SCRT2: variants seen among roughly 807,000 people sequenced by gnomAD.
SCRT2 encodes the protein scratch family transcriptional repressor 2.
In SCRT2, 2 loss-of-function variants were observed where a neutral mutation model predicts 3.7. That is an observed-to-expected ratio of 0.54 (90% CI 0.22 to 1.70). SCRT2 has a LOEUF of 1.70. SCRT2 is among the 40% of genes most tolerant of loss of function. SCRT2 has a pLI of 0.19. For missense variants in SCRT2, 456 were observed against 468.5 expected (o/e 0.97, Z 0.25); for synonymous variants, 256 against 220.6 (o/e 1.16, Z -1.42).
chr20:663,841 G>C lies in SCRT2; in HGVS notation c.754C>G (p.Arg252Gly). 6.3e-7 allele frequency: 1 copy of C among 1,597,282 alleles called. No homozygotes were observed. Among genetic ancestry groups the C allele is most frequent in the Non-Finnish European group, 8.5e-7 (1 of 1,174,258 alleles). ...TGCATGTGCGCGCGCAGGTTGGAGC[G>C]GTCGGCGAAGGCCTTGCCGCAGTGC... is the stretch of plus-strand genomic sequence containing the variant. Reference protein sequence around the residue: ...CAHCGKAFADRSNLRAHMQTH... With the variant: ...CAHCGKAFADGSNLRAHMQTH... Residue 252 changes from arginine to glycine, a missense_variant, in exon 2 of 2, where the codon CGC becomes GGC. Arg to Gly is a moderately radical substitution (Grantham distance 125). Around this residue, in one of 3 missense-constraint regions of SCRT2, gnomAD observed 144 missense variants for 141.9 expected, o/e 1.01. Coordinates refer to ENST00000246104, the MANE Select transcript of SCRT2 (RefSeq NM_033129.4). This position sits in a 1 kb window ranked among gnomAD's most constrained non-coding sequence, Gnocchi z 6.9.
rs1246718115 is a variant in SCRT2, at chr20:665,827, C to G, written c.134-1366G>C. 6.6e-6 allele frequency among the ~76,000 whole-genome samples: 1 copy of G among 152,166 alleles called. No homozygotes were observed. The highest frequency in any genetic ancestry group is 1.5e-5 in the Non-Finnish European group (1 of 68,030). ...GACCTTCTCCTGGTGACCCCTGAGA[C>G]CTGTAACCACTCCTCCTTCCCTCCT... On this transcript the variant is annotated intron_variant, in intron 1 of 1. Coordinates refer to ENST00000246104, the MANE Select transcript of SCRT2 (RefSeq NM_033129.4). The surrounding 1 kb of genome is among the most constrained non-coding windows in gnomAD (Gnocchi z 5.0).
chr20:670,588 C>T (rs1000785729), intron 1 of SCRT2, among the ~76,000 whole-genome samples: 3 of 152,200 alleles, frequency 2.0e-5, no homozygotes, highest in South Asian at 2.1e-4. Context: ...GGGCAAGTCA[C>T]GGCCTCTCTG....
At chr20:669,801 C>T (rs1984273406) in intron 1 of SCRT2, among the ~76,000 whole-genome samples, 1 of 152,220 alleles carries the variant, frequency 6.6e-6, no homozygotes, top group Admixed American at 6.5e-5. Context: ...ACCTCCCCCT[C>T]CCCTTATTAT....
In SCRT2 at chr20:664,256, G is replaced by A. The variant is rs1385010776; in HGVS notation, c.339C>T (p.Ile113=). ...GCCGCCGCCGCGAGCGCCCGTCCGA[G>A]ATGAAGAAGGCGTCCATGGAGTAGC... ...TDSYSMDAFF[I]SDGRSRRRRG... Residue 113 remains isoleucine, a synonymous_variant, in exon 2 of 2, where the codon ATC becomes ATT. Transcript: ENST00000246104. This position sits in a 1 kb window ranked among gnomAD's most constrained non-coding sequence, Gnocchi z 7.9. 3 of 1,402,666 alleles carry A rather than the reference G, an allele frequency of 2.1e-6. No individual in the cohort carries two copies. The highest frequency in any genetic ancestry group is 9.4e-7 in the Non-Finnish European group (1 of 1,066,232). 86.9% of individuals were successfully genotyped at this position (1,402,666 alleles called of 1,614,324 possible).
Position 663,370 on chromosome 20 carries a change from G to C in SCRT2, c.*301C>G, listed in dbSNP as rs551089416. ...AGGGAGAAATTTCCGGCTCTGGGGCGCGGGAGAGGTGCGGACCTGGTGCCT... is the reference window on the plus strand; with the variant it reads ...AGGGAGAAATTTCCGGCTCTGGGGCCCGGGAGAGGTGCGGACCTGGTGCCT... On this transcript the variant is annotated 3_prime_UTR_variant, in exon 2 of 2. Transcript: ENST00000246104. This position sits in a 1 kb window ranked among gnomAD's most constrained non-coding sequence, Gnocchi z 6.9. 2.1e-5 allele frequency: 7 copies of C among 340,422 alleles called. No homozygotes were observed. In the South Asian group the frequency reaches 6.6e-4, roughly 32 times the overall value. 21.1% of individuals were successfully genotyped at this position (340,422 alleles called of 1,614,324 possible). A position where few individuals can be genotyped will look rare whatever the true frequency, so the allele number is the denominator to read the frequency against.
intron 1 of SCRT2, among the ~76,000 whole-genome samples, chr20:673,174 G>A (rs999253525): frequency 2.0e-5 from 3 of 152,182 alleles, no homozygotes; most frequent in African/African-American, 4.8e-5. Flanking sequence ...AGAGACCAAA[G>A]CCAAGAAAAG....
Position 665,740 on chromosome 20 carries a change from A to G in SCRT2, c.134-1279T>C, listed in dbSNP as rs1984134519. 6.6e-6 allele frequency among the ~76,000 whole-genome samples: 1 copy of G among 152,126 alleles called. No homozygotes were observed. Among genetic ancestry groups the G allele is most frequent in the Non-Finnish European group, 1.5e-5 (1 of 68,024 alleles). Reference sequence around the variant, plus strand: ...GGGCAAGTGATTCCATTGTTCTGTGATTCCACAGAACAATGAAGGTTAGGT... The same window carrying G: ...GGGCAAGTGATTCCATTGTTCTGTGGTTCCACAGAACAATGAAGGTTAGGT... On this transcript the variant is annotated intron_variant, in intron 1 of 1. Transcript: ENST00000246104. This position sits in a 1 kb window ranked among gnomAD's most constrained non-coding sequence, Gnocchi z 5.0.
rs1454152426 is a variant in SCRT2 at position 663,623 on chromosome 20, C to T, written c.*48G>A. On this transcript the variant is annotated 3_prime_UTR_variant, in exon 2 of 2. Transcript: ENST00000246104. This position sits in a 1 kb window ranked among gnomAD's most constrained non-coding sequence, Gnocchi z 6.9. ...GCGCTGCGGGCGCAGGTAGGGGGCC[C>T]GGGGCGCGTGGAGAGCGAGTTCCGG... 1 of 1,332,000 alleles carries T rather than the reference C, an allele frequency of 7.5e-7. No individual in the cohort carries two copies. The highest frequency in any genetic ancestry group is 9.5e-7 in the Non-Finnish European group (1 of 1,047,980). 82.5% of individuals were successfully genotyped at this position (1,332,000 alleles called of 1,614,324 possible).
Position 665,836 on chromosome 20 carries a change from ACTC to A in SCRT2, c.134-1378_134-1376del, listed in dbSNP as rs1219618587. Among the ~76,000 whole-genome samples the A allele has an allele frequency of 2.6e-5, 4 of 151,714 alleles. No homozygotes were observed. The highest frequency in any genetic ancestry group is 9.7e-5 in the African/African-American group (4 of 41,338). ...CTGGTGACCCCTGAGACCTGTAACC[ACTC>A]CTCCTTCCCTCCTCCCCTAGCCTCC... On this transcript the variant is annotated intron_variant, in intron 1 of 1. Coordinates refer to ENST00000246104, the MANE Select transcript of SCRT2 (RefSeq NM_033129.4). This position sits in a 1 kb window ranked among gnomAD's most constrained non-coding sequence, Gnocchi z 5.0.
At chr20:673,205 G>A (rs186060179) in intron 1 of SCRT2, among the ~76,000 whole-genome samples, 4 of 152,316 alleles carry the variant, frequency 2.6e-5, no homozygotes, top group East Asian at 3.9e-4. Context: ...CAGAAATGCC[G>A]CTACCCTCAG....
rs1177870039 is a variant in SCRT2 at position 675,548 on chromosome 20, G to A, written c.54C>T (p.Ser18=). Residue 18 remains serine (S), a synonymous_variant, in exon 1 of 2, where the codon AGC becomes AGT. Transcript: ENST00000246104. The surrounding 1 kb of genome is among the most constrained non-coding windows in gnomAD (Gnocchi z 6.9). ...GGTGGTAGGTGGGGGCCGGCACCCC[G>A]CTGCACTGGAAGCCGTCCCCTTTGA... ...KKIKGDGFQC[S]GVPAPTYHPL... 7.2e-7 allele frequency: 1 copy of A among 1,395,390 alleles called. No homozygotes were observed. Among genetic ancestry groups the A allele is most frequent in the Non-Finnish European group, 9.3e-7 (1 of 1,071,546 alleles). 86.4% of individuals were successfully genotyped at this position (1,395,390 alleles called of 1,614,324 possible). A position where few individuals can be genotyped will look rare whatever the true frequency, so the allele number is the denominator to read the frequency against.
At chr20:671,732 G>C (rs1984338994) in intron 1 of SCRT2, among the ~76,000 whole-genome samples, 1 of 152,188 alleles carries the variant, frequency 6.6e-6, no homozygotes, top group South Asian at 2.1e-4. Flanking sequence ...GCTGGGGGAG[G>C]CTTAATGTAG....
chr20:673,391 C>T (rs566808177), intron 1 of SCRT2, among the ~76,000 whole-genome samples: 11 of 152,366 alleles, frequency 7.2e-5, no homozygotes, highest in African/African-American at 2.4e-4. Flanking sequence ...AACTCTTTCA[C>T]TGCTGGGGAG....
chr20:673,842 C>G (rs991110301), intron 1 of SCRT2, among the ~76,000 whole-genome samples: 3 of 152,150 alleles, frequency 2.0e-5, no homozygotes, highest in Admixed American at 1.3e-4. Context: ...AATCCCAGAG[C>G]TTTGTGTCAG....
At position 664,036 on chromosome 20, in the gene SCRT2, T is replaced by C; in HGVS notation, c.559A>G (p.Lys187Glu). 3.1e-6 allele frequency: 5 copies of C among 1,612,054 alleles called. No homozygotes were observed. Among genetic ancestry groups the C allele is most frequent in the Non-Finnish European group, 4.2e-6 (5 of 1,179,608 alleles). Residue 187 changes from lysine to glutamate, a missense_variant, in exon 2 of 2, where the codon AAA (lysine) becomes GAA (glutamate). Lys to Glu is a moderately conservative substitution (Grantham distance 56, BLOSUM62 1). Transcript: ENST00000246104. This position sits in a 1 kb window ranked among gnomAD's most constrained non-coding sequence, Gnocchi z 7.9. ...TAGGCCTTGCCGCACGTCGGGCATT[T>C]GCGCGCCAGCTGGCTGTCCAGGCTG... is the stretch of plus-strand genomic sequence containing the variant. ...HRSLDSQLAR[K>E]CPTCGKAYVS...
intron 1 of SCRT2, among the ~76,000 whole-genome samples, chr20:671,965 G>C (rs1328378334): frequency 6.6e-6 from 1 of 152,122 alleles, no homozygotes; most frequent in East Asian, 1.9e-4. Flanking sequence ...ATGTGGGTGG[G>C]CCACCTTCTT....
At chr20:674,399 TCACACACACACACACACA>T (rs57092015) in intron 1 of SCRT2, among the ~76,000 whole-genome samples, 235 of 106,638 alleles carry the variant, frequency 2.2e-3, no homozygotes, top group Middle Eastern at 9.3e-3. Context: ...TCTCTCTCTC[TCACACACACACACACACA>T]CACACACACA....
intron 1 of SCRT2, among the ~76,000 whole-genome samples, chr20:670,737 C>A (rs1222634311): frequency 6.6e-6 from 1 of 152,128 alleles, no homozygotes; most frequent in Non-Finnish European, 1.5e-5. Flanking sequence ...ACTTGGTGTA[C>A]TCTCTGGCCC....
In SCRT2 at chr20:664,160, CGCGCGCCCCGCGCGCCCCCCG is replaced by C; in HGVS notation, c.414_434del (p.Gly140_Gly146del). 9.3e-7 allele frequency: 1 copy of C among 1,070,820 alleles called. No individual in the cohort carries two copies. The highest frequency in any genetic ancestry group is 1.1e-6 in the Non-Finnish European group (1 of 885,924). 66.3% of individuals were successfully genotyped at this position (1,070,820 alleles called of 1,614,324 possible). On this transcript the variant is annotated inframe_deletion, in exon 2 of 2. Coordinates refer to ENST00000246104, the MANE Select transcript of SCRT2 (RefSeq NM_033129.4). This position sits in a 1 kb window ranked among gnomAD's most constrained non-coding sequence, Gnocchi z 7.9. ...GGTGCCCGCCGCCCGCCTGCGCCCC[CGCGCGCCCCGCGCGCCCCCCG>C]GCGCCCCCCGCGTCTCCCGAGCCCC...
Sources: gnomAD v4.1 joint callset for allele counts (sites outside exome capture counted in the v4.1 genomes callset) on GRCh38, gnomAD v4.1.1 for gene constraint, gnomAD v4.1.1 regional missense constraint, Gnocchi (gnomAD v3.1) non-coding constraint, MANE v1.5 for transcripts, NCBI Gene and HGNC (gene_info 2026-07-23, HGNC 2026-07-21) for gene names.